ENPEP: variants seen among roughly 807,000 people sequenced by gnomAD.
ENPEP encodes AP-A.
ENPEP carries 103 observed loss-of-function variants against 114.5 expected under a neutral mutation model. That is an observed-to-expected ratio of 0.90 (90% CI 0.77 to 1.06). The LOEUF (loss-of-function observed/expected upper bound fraction) is 1.06, where lower values mean the gene tolerates loss of function less well. Among genes scored for constraint, ENPEP ranks in the 50% least tolerant of loss-of-function variants. ENPEP has a pLI of 0.00. For missense variants in ENPEP, 1,196 were observed against 1,161.3 expected (o/e 1.03, Z -0.43); for synonymous variants, 420 against 422.0 (o/e 1.00, Z 0.06).
intron 10 of ENPEP, among the ~76,000 whole-genome samples, chr4:110,520,865 C>T (rs1725961221): frequency 6.6e-6 from 1 of 152,098 alleles, no homozygotes; most frequent in Non-Finnish European, 1.5e-5. Context: ...CCAGCTGGAC[C>T]CACCCCTCAC....
intron 1 of ENPEP, among the ~76,000 whole-genome samples, chr4:110,486,930 G>A (rs1359966799): frequency 6.6e-6 from 1 of 152,096 alleles, no homozygotes; most frequent in Non-Finnish European, 1.5e-5. Flanking sequence ...TGGCGGGTAG[G>A]GGCTTGGGAA....
chr4:110,521,312 G>A (rs1411896196), intron 10 of ENPEP, among the ~76,000 whole-genome samples: 2 of 152,086 alleles, frequency 1.3e-5, no homozygotes, highest in Admixed American at 6.6e-5. Flanking sequence ...TCAGGAGTTT[G>A]AGGCTTCAGT....
rs530177815 is a variant in ENPEP at position 110,517,642 on chromosome 4, C to T, written c.1509+2200C>T. Among the ~76,000 whole-genome samples the T allele has an allele frequency of 1.3e-4, 20 of 152,118 alleles. No homozygotes were observed. In the East Asian group the frequency reaches 2.9e-3, roughly 22 times the overall value. On this transcript the variant is annotated intron_variant, in intron 8 of 19. Transcript: ENST00000265162. ...CTATGTTATAATTAATTTAAAAAAC[C>T]GGTTTTGTCTAAAATTAATAATTCT...
chr4:110,490,412 G>T (rs1198107066), intron 2 of ENPEP, among the ~76,000 whole-genome samples: 2 of 152,170 alleles, frequency 1.3e-5, no homozygotes, highest in Non-Finnish European at 2.9e-5. Flanking sequence ...ATGGAAGCAG[G>T]AGTTGGGCAA....
chr4:110,477,637 C>G (rs183836511), intron 1 of ENPEP, among the ~76,000 whole-genome samples: 1 of 151,940 alleles, frequency 6.6e-6, no homozygotes, highest in Admixed American at 6.6e-5. Context: ...TTTCTGTCTC[C>G]GATGGCCAGG....
intron 10 of ENPEP, among the ~76,000 whole-genome samples, chr4:110,521,526 G>A (rs1361851479): frequency 6.6e-6 from 1 of 151,878 alleles, no homozygotes; most frequent in African/African-American, 2.4e-5. Flanking sequence ...AAGATCACAA[G>A]ATACATGAAA....
At position 110,500,888 on chromosome 4, in the gene ENPEP, AGAG is replaced by A. The variant is rs551563022; in HGVS notation, c.919-5745_919-5743del. ...CAGTCACCTCTGCCAAAGCCCAGAGAGAGGAGAAGGAGATGCAGATGGAGCATA... is the reference window on the plus strand; with the variant it reads ...CAGTCACCTCTGCCAAAGCCCAGAGAGAGAAGGAGATGCAGATGGAGCATA... On this transcript the variant is annotated intron_variant, in intron 3 of 19. Coordinates refer to ENST00000265162, the MANE Select transcript of ENPEP (RefSeq NM_001977.4). Among the ~76,000 whole-genome samples, 6 of 152,248 alleles carry A rather than the reference AGAG, an allele frequency of 3.9e-5. No individual in the cohort carries two copies. In the South Asian group the frequency reaches 1.2e-3, roughly 32 times the overall value.
At chr4:110,543,933 G>T (rs1424551507) in intron 13 of ENPEP, among the ~76,000 whole-genome samples, 2 of 151,940 alleles carry the variant, frequency 1.3e-5, no homozygotes, top group South Asian at 2.1e-4. Context: ...CAAACTGAAG[G>T]TTCATGAGGG....
chr4:110,543,061 C>T lies in ENPEP; in HGVS notation c.1991C>T (p.Ala664Val). The change falls in exon 13 of 20, where the codon GCC becomes GTC. Residue 664 changes from alanine (A) to valine (V), a missense_variant. Ala to Val is a moderately conservative substitution (Grantham distance 64, BLOSUM62 0). Coordinates refer to ENST00000265162, the MANE Select transcript of ENPEP (RefSeq NM_001977.4). Reference sequence around the variant, plus strand: ...GCAAGTCTTATTGATGATGCTTTTGCCTTGGCAAGGTGCGTTTTAGAATGA... The same window carrying T: ...GCAAGTCTTATTGATGATGCTTTTGTCTTGGCAAGGTGCGTTTTAGAATGA... ...DRASLIDDAF[A>V]LARAQLLDYK... 3 of 1,612,884 alleles carry T rather than the reference C, an allele frequency of 1.9e-6. No homozygotes were observed. Among genetic ancestry groups the T allele is most frequent in the Non-Finnish European group, 2.5e-6 (3 of 1,179,184 alleles).
intron 10 of ENPEP, among the ~76,000 whole-genome samples, chr4:110,526,060 G>A (rs1726183983): frequency 6.6e-6 from 1 of 152,098 alleles, no homozygotes; most frequent in Admixed American, 6.5e-5. Context: ...TGGATCACTT[G>A]AGGTCAGGAG....
In ENPEP at chr4:110,553,473, T is replaced by C. The variant is rs929024409; in HGVS notation, c.2642+18T>C. 3.7e-6 allele frequency: 6 copies of C among 1,600,600 alleles called. No individual in the cohort carries two copies. The highest frequency in any genetic ancestry group is 5.1e-6 in the Non-Finnish European group (6 of 1,171,520). On this transcript the variant is annotated intron_variant, in intron 18 of 19. Coordinates refer to ENST00000265162, the MANE Select transcript of ENPEP (RefSeq NM_001977.4). ...GTCAACAGGTGGGATGATCTGATGA[T>C]GGTCTGCTGTTTTCTTTGTTTCATA...
chr4:110,519,057 T>G (rs1283629888), intron 8 of ENPEP: 2 of 455,684 alleles, frequency 4.4e-6, no homozygotes, highest in Middle Eastern at 3.2e-4. Context: ...TGATTGCTGC[T>G]TCTCCCTTCC....
At position 110,476,573 on chromosome 4, in the gene ENPEP, T is replaced by G; in HGVS notation, c.159T>G (p.Thr53=). 1 of 1,613,646 alleles carries G rather than the reference T, an allele frequency of 6.2e-7. No individual in the cohort carries two copies. Among genetic ancestry groups the G allele is most frequent in the South Asian group, 1.1e-5 (1 of 91,056 alleles). Residue 53 remains threonine, a synonymous_variant, in exon 1 of 20, where the codon ACT becomes ACG. Coordinates refer to ENST00000265162, the MANE Select transcript of ENPEP (RefSeq NM_001977.4). Reference sequence around the variant, plus strand: ...CCAGCGGGGACGGCGGGCCGGGCACTGCGCCAGCTCCTTCCCACCTGCCTT... The same window carrying G: ...CCAGCGGGGACGGCGGGCCGGGCACGGCGCCAGCTCCTTCCCACCTGCCTT... ...CDSSGDGGPG[T]APAPSHLPSS... is the part of the protein sequence containing the mutation.
intron 11 of ENPEP, among the ~76,000 whole-genome samples, chr4:110,532,171 G>A (rs938667722): frequency 6.6e-6 from 1 of 152,090 alleles, no homozygotes; most frequent in African/African-American, 2.4e-5. Context: ...CCTATTTAAA[G>A]TGTACAATCC....
rs1727204583 is a variant in ENPEP at position 110,549,531 on chromosome 4, A to C, written c.2229A>C (p.Leu743Phe). The change falls in exon 16 of 20, where the codon TTA (leucine) becomes TTC (phenylalanine). Residue 743 changes from leucine (L) to phenylalanine (F), a missense_variant. Physicochemically the swap from Leu to Phe is conservative, Grantham distance 22. Transcript: ENST00000265162. ...WNDAGDHVTKLLRSSVLGFAC... is the reference protein window; with the variant it reads ...WNDAGDHVTKFLRSSVLGFAC... ...TTGTGTTTGTTTGTTTTTTAAGGTT[A>C]CTCCGTTCCTCCGTGTTAGGGTTTG... 7 of 1,613,192 alleles carry C rather than the reference A, an allele frequency of 4.3e-6. No homozygotes were observed. Among genetic ancestry groups the C allele is most frequent in the African/African-American group, 1.3e-5 (1 of 74,828 alleles).
intron 11 of ENPEP, among the ~76,000 whole-genome samples, chr4:110,538,422 A>G (rs1726724822): frequency 6.6e-6 from 1 of 152,184 alleles, no homozygotes; most frequent in South Asian, 2.1e-4. Context: ...TTTCTTCTGT[A>G]GCTTCCTCAC....
At chr4:110,510,026 A>G (rs9998275) in intron 5 of ENPEP, among the ~76,000 whole-genome samples, 43,846 of 152,118 alleles carry the variant, frequency 0.29, 6,646 homozygotes, top group Non-Finnish European at 0.33. Context: ...ATATAAATTT[A>G]TGTACCCCAG....
intron 8 of ENPEP, among the ~76,000 whole-genome samples, chr4:110,516,378 A>G (rs1367065694): frequency 3.9e-5 from 6 of 152,118 alleles, no homozygotes; most frequent in Non-Finnish European, 8.8e-5. Context: ...AGTAGCTACA[A>G]TGTGTCCCTA....
At chr4:110,483,916 T>C (rs1408909990) in intron 1 of ENPEP, among the ~76,000 whole-genome samples, 2 of 152,202 alleles carry the variant, frequency 1.3e-5, no homozygotes, top group African/African-American at 4.8e-5. Context: ...CTTAGAAAAG[T>C]TTAGGGCCAA....
Sources: allele counts gnomAD v4.1 joint callset (sites outside exome capture counted in the v4.1 genomes callset), GRCh38; gene constraint gnomAD v4.1.1; transcripts MANE v1.5; gene names NCBI Gene and HGNC (gene_info 2026-07-23, HGNC 2026-07-21).